GP6: variants seen among roughly 807,000 people sequenced by gnomAD.
GP6 encodes the protein glycoprotein VI platelet, also known as platelet glycoprotein VI.
Under a neutral mutation model 37.3 loss-of-function variants are expected in GP6, and 45 were observed. The ratio of observed to expected loss-of-function variants is 1.21; its 90% CI spans 0.95 to 1.55. The LOEUF (loss-of-function observed/expected upper bound fraction) is 1.55, where lower values mean the gene tolerates loss of function less well. GP6 is among the 40% of genes most tolerant of loss of function. GP6 has a pLI of 0.00. For synonymous variants in GP6, 340 were observed against 316.4 expected (o/e 1.07, Z -0.79); for missense variants, 813 against 760.2 (o/e 1.07, Z -0.82).
At chr19:55,032,751 G>A in intron 1 of GP6, 3 of 657,136 alleles carry the variant, frequency 4.6e-6, no homozygotes, top group South Asian at 3.6e-5. Context: ...TCCAGAATAG[G>A]TAAATCTATA....
intron 6 of GP6, among the ~76,000 whole-genome samples, chr19:55,018,237 G>C (rs558833918): frequency 6.6e-6 from 1 of 152,298 alleles, no homozygotes; most frequent in Middle Eastern, 3.4e-3. Context: ...TGAGGAAAGC[G>C]TATCTGCAGA....
At chr19:55,015,251 C>T (rs1017675200) in intron 7 of GP6, 86 bp from the exon 8 acceptor site, 1 of 1,545,866 alleles carries the variant, frequency 6.5e-7, no homozygotes, top group African/African-American at 1.4e-5. Context: ...CTCAGAGATC[C>T]TATTATTCTC....
chr19:55,027,595 A>AG lies in GP6; in HGVS notation c.592dup (p.Leu198ProfsTer32). The AG allele has an allele frequency of 6.2e-7, 1 of 1,612,734 alleles. No homozygotes were observed. On this transcript the variant is annotated frameshift_variant, in exon 4 of 8. Transcript: ENST00000310373. LOFTEE classifies it high-confidence loss of function. ...ACCCCTACCTGTGACCACAAGCTCC[A>AG]GGGGGTCGCTGGGGGCTGACCACAG...
rs769260812 is a variant in GP6 at position 55,027,756 on chromosome 19, A to G, written c.432T>C (p.Ala144=). ...GCGCAGGGTCCCCTTCCTTGTACAGAGCAAATTGGTCAAAGCCATACCGAG... is the reference window on the plus strand; with the variant it reads ...GCGCAGGGTCCCCTTCCTTGTACAGGGCAAATTGGTCAAAGCCATACCGAG... Residue 144 remains alanine (A), a synonymous_variant, in exon 4 of 8, where the codon GCT becomes GCC. Transcript: ENST00000310373. The G allele has an allele frequency of 1.9e-6, 3 of 1,613,866 alleles. No individual in the cohort carries two copies. Among genetic ancestry groups the G allele is most frequent in the Non-Finnish European group, 2.5e-6 (3 of 1,179,784 alleles).
chr19:55,015,049 G>T lies in GP6; in HGVS notation c.896C>A (p.Pro299His). 3 of 1,608,832 alleles carry T rather than the reference G, an allele frequency of 1.9e-6. No homozygotes were observed. The highest frequency in any genetic ancestry group is 2.5e-6 in the Non-Finnish European group (3 of 1,178,066). ...TGCACAGCCCTGCCCCTGTGCCGCA[G>T]GCGCTTCCTCCGGCTGTGCCAGTCC... The change falls in exon 8 of 8, where the codon CCT becomes CAT. Residue 299 changes from proline (P) to histidine (H), a missense_variant. Pro to His is a moderately conservative substitution (Grantham distance 77). Coordinates refer to ENST00000310373, the MANE Select transcript of GP6 (RefSeq NM_001083899.2).
At chr19:55,034,716 T>TACACACACACACACACACAC (rs796869786) in intron 1 of GP6, among the ~76,000 whole-genome samples, 5 of 148,148 alleles carry the variant, frequency 3.4e-5, no homozygotes, top group African/African-American at 1.0e-4. Flanking sequence ...CCCTCATTCT[T>TACACACACACACACACACAC]ACACACACAC....
chr19:55,023,016 C>A (rs1444726563), intron 5 of GP6, among the ~76,000 whole-genome samples: 1 of 152,112 alleles, frequency 6.6e-6, no homozygotes, highest in Non-Finnish European at 1.5e-5. Context: ...CTATAAAATT[C>A]ATATGGAACC....
intron 5 of GP6, among the ~76,000 whole-genome samples, chr19:55,019,328 C>CAACA (rs1325005963): frequency 6.6e-6 from 1 of 151,808 alleles, no homozygotes; most frequent in Non-Finnish European, 1.5e-5. Context: ...CCAGGATGGT[C>CAACA]TCGATCTCCT....
intron 1 of GP6, among the ~76,000 whole-genome samples, chr19:55,035,997 C>T (rs1189598838): frequency 2.0e-5 from 3 of 150,260 alleles, no homozygotes; most frequent in Admixed American, 6.7e-5. Context: ...CACTTAAACC[C>T]GGGAGGTGGA....
At chr19:55,035,271 C>T (rs934382457) in intron 1 of GP6, among the ~76,000 whole-genome samples, 5 of 151,972 alleles carry the variant, frequency 3.3e-5, no homozygotes, top group African/African-American at 9.7e-5. Context: ...TGGTGGTTAC[C>T]GGGGCGGTGG....
Position 55,013,902 on chromosome 19 carries a change from C to A in GP6, c.*180G>T, listed in dbSNP as rs542141082. 4 of 369,102 alleles carry A rather than the reference C, an allele frequency of 1.1e-5. No homozygotes were observed. The highest frequency in any genetic ancestry group is 1.6e-5 in the Non-Finnish European group (3 of 187,830). 22.9% of individuals were successfully genotyped at this position (369,102 alleles called of 1,614,324 possible). On this transcript the variant is annotated 3_prime_UTR_variant, in exon 8 of 8. Coordinates refer to ENST00000310373, the MANE Select transcript of GP6 (RefSeq NM_001083899.2). The stretch of plus-strand genomic sequence containing the variant: ...ATTAGATGGTCAAGAAATGCCTAAA[C>A]GCTATAATAAATATAGAACTTTACC...
chr19:55,035,290 T>C (rs1042695546), intron 1 of GP6, among the ~76,000 whole-genome samples: 1 of 151,996 alleles, frequency 6.6e-6, no homozygotes, highest in Non-Finnish European at 1.5e-5. Flanking sequence ...GGGGTAAGGT[T>C]TGGGGAGATG....
chr19:55,020,614 C>T (rs956133590), intron 5 of GP6, among the ~76,000 whole-genome samples: 1 of 152,170 alleles, frequency 6.6e-6, no homozygotes, highest in Non-Finnish European at 1.5e-5. Flanking sequence ...TTTATCCTTT[C>T]TATCATTGAT....
At position 55,014,499 on chromosome 19, in the gene GP6, A is replaced by G. The variant is rs765762954; in HGVS notation, c.1446T>C (p.Ser482=). The change falls in exon 8 of 8, where the codon TCT becomes TCC. Residue 482 remains serine, a synonymous_variant. Coordinates refer to ENST00000310373, the MANE Select transcript of GP6 (RefSeq NM_001083899.2). ...GAGAGTTTCTGGGGAAAACCAGACAAGAGCACAGAGGGCCAAAGGGAAGCA... is the reference window on the plus strand; with the variant it reads ...GAGAGTTTCTGGGGAAAACCAGACAGGAGCACAGAGGGCCAAAGGGAAGCA... 4 of 1,613,650 alleles carry G rather than the reference A, an allele frequency of 2.5e-6. No individual in the cohort carries two copies. The highest frequency in any genetic ancestry group is 1.3e-5 in the African/African-American group (1 of 75,040).
chr19:55,018,192 T>TG (rs1207986752), intron 6 of GP6, among the ~76,000 whole-genome samples: 1 of 152,074 alleles, frequency 6.6e-6, no homozygotes, highest in African/African-American at 2.4e-5. Context: ...TGGAAGGAAA[T>TG]GGAGATTTTC....
chr19:55,032,741 T>C (rs982271078), intron 1 of GP6: 30 of 668,860 alleles, frequency 4.5e-5, no homozygotes, highest in Admixed American at 4.3e-4. Context: ...ACATGAAATA[T>C]CCAGAATAGG....
At chr19:55,017,365 C>T (rs1054176797) in intron 6 of GP6, among the ~76,000 whole-genome samples, 1 of 152,050 alleles carries the variant, frequency 6.6e-6, no homozygotes, top group African/African-American at 2.4e-5. Context: ...CTCACCTTGG[C>T]CTCCCAAAGT....
chr19:55,035,232 T>G (rs1232674812), intron 1 of GP6, among the ~76,000 whole-genome samples: 8 of 120,516 alleles, frequency 6.6e-5, no homozygotes, highest in Middle Eastern at 4.4e-3. Flanking sequence ...GAGTGTGGAC[T>G]TGGGAACTTA....
chr19:55,024,369 C>G (rs574454542), intron 5 of GP6, among the ~76,000 whole-genome samples: 1 of 152,064 alleles, frequency 6.6e-6, no homozygotes, highest in African/African-American at 2.4e-5. Flanking sequence ...CACATATGCA[C>G]GCACACAGTA....
Sources: allele counts gnomAD v4.1 joint callset (sites outside exome capture counted in the v4.1 genomes callset), GRCh38; gene constraint gnomAD v4.1.1; transcripts MANE v1.5; gene names NCBI Gene and HGNC (gene_info 2026-07-23, HGNC 2026-07-21).